The following SV2B variants were observed in gnomAD, a reference collection of about 807,000 sequenced individuals.
The protein encoded by SV2B is synaptic vesicle glycoprotein 2B.
A neutral mutation model predicts 73.9 loss-of-function variants in SV2B; 41 were observed. The observed-to-expected ratio is 0.56, with a 90% CI of 0.43 to 0.72. SV2B has a LOEUF of 0.72. SV2B is among the 30% of genes least tolerant of loss of function. SV2B has a pLI of 0.00. For synonymous variants in SV2B, 314 were observed against 314.2 expected (o/e 1.00, Z 0.01); for missense variants, 764 against 857.8 (o/e 0.89, Z 1.37).
At chr15:91,185,624 G>A (rs1465896138) in intron 1 of SV2B, among the ~76,000 whole-genome samples, 1 of 152,168 alleles carries the variant, frequency 6.6e-6, no homozygotes, top group African/African-American at 2.4e-5. Flanking sequence ...GTTTCCTGGA[G>A]AAAATAGTAC....
intron 1 of SV2B, among the ~76,000 whole-genome samples, chr15:91,173,105 T>A (rs1180703621): frequency 2.0e-5 from 3 of 152,086 alleles, no homozygotes; most frequent in Admixed American, 2.0e-4. Flanking sequence ...AGTGGGCCTC[T>A]GTGAGGAGGA....
chr15:91,121,039 A>C lies in SV2B; in HGVS notation c.-392+20676A>C, dbSNP rs2042320165. On this transcript the variant is annotated intron_variant, in intron 1 of 12. Coordinates refer to ENST00000394232, the MANE Select transcript of SV2B (RefSeq NM_001323032.3). This position sits in a 1 kb window ranked among gnomAD's most constrained non-coding sequence, Gnocchi z 4.4. ...GTCTATACAGTCATCCCCTCGCTTA[A>C]GATTTTTGCAAATTGTTTCCCATGG... Among the ~76,000 whole-genome samples, 1 of 152,176 alleles carries C rather than the reference A, an allele frequency of 6.6e-6. No individual in the cohort carries two copies. The highest frequency in any genetic ancestry group is 2.1e-4 in the South Asian group (1 of 4,824).
intron 6 of SV2B, 64 bp downstream of exon 6, chr15:91,260,473 A>G: frequency 7.6e-7 from 1 of 1,322,258 alleles, no homozygotes; most frequent in Non-Finnish European, 1.0e-6. Context: ...GATTTACTAA[A>G]AAGTAATTTA....
At chr15:91,150,903 AC>A (rs1255854956) in intron 1 of SV2B, among the ~76,000 whole-genome samples, 1 of 151,950 alleles carries the variant, frequency 6.6e-6, no homozygotes, top group Non-Finnish European at 1.5e-5. Context: ...TGAATTCTGC[AC>A]CCCCACCCCT....
intron 1 of SV2B, among the ~76,000 whole-genome samples, chr15:91,109,099 G>T (rs994145797): frequency 5.9e-5 from 9 of 152,184 alleles, no homozygotes; most frequent in Admixed American, 1.3e-4. Flanking sequence ...AGGCAGATAG[G>T]CTACATCCTT....
intron 1 of SV2B, among the ~76,000 whole-genome samples, chr15:91,203,818 G>A (rs909033719): frequency 3.3e-5 from 5 of 152,064 alleles, no homozygotes; most frequent in African/African-American, 1.2e-4. Context: ...GGAAGGGAGA[G>A]CTACTGTCTC....
At position 91,136,473 on chromosome 15, in the gene SV2B, T is replaced by A. The variant is rs2042829164; in HGVS notation, c.-392+36110T>A. Reference sequence around the variant, plus strand: ...AGTGGAGAACCAGTGGGAAGGCCCATGCGTCTCGGGTGCTTTGTCCCAGGG... The same window carrying A: ...AGTGGAGAACCAGTGGGAAGGCCCAAGCGTCTCGGGTGCTTTGTCCCAGGG... On this transcript the variant is annotated intron_variant, in intron 1 of 12. Coordinates refer to ENST00000394232, the MANE Select transcript of SV2B (RefSeq NM_001323032.3). The surrounding 1 kb of genome is among the most constrained non-coding windows in gnomAD (Gnocchi z 5.6). Among the ~76,000 whole-genome samples, 1 of 152,174 alleles carries A rather than the reference T, an allele frequency of 6.6e-6. No homozygotes were observed. Among genetic ancestry groups the A allele is most frequent in the African/African-American group, 2.4e-5 (1 of 41,456 alleles).
rs573209917 is a variant in SV2B at position 91,167,964 on chromosome 15, G to A, written c.-391-57909G>A. Among the ~76,000 whole-genome samples, 31 of 152,090 alleles carry A rather than the reference G, an allele frequency of 2.0e-4. No homozygotes were observed. The South Asian group carries it at 3.7e-3, about 18-fold the overall frequency. On this transcript the variant is annotated intron_variant, in intron 1 of 12. Coordinates refer to ENST00000394232, the MANE Select transcript of SV2B (RefSeq NM_001323032.3). The stretch of plus-strand genomic sequence containing the variant: ...GATCCAATGTAAATTTAATTTTCAC[G>A]GCCTTTGTGGTGCTGTTTGGTTTCA...
chr15:91,270,594 A>G (rs2048259210), intron 9 of SV2B, among the ~76,000 whole-genome samples: 1 of 152,252 alleles, frequency 6.6e-6, no homozygotes, highest in Non-Finnish European at 1.5e-5. Flanking sequence ...AAGTCAATAC[A>G]ACGCAGAGTC....
rs1221653036 is a variant in SV2B at position 91,283,163 on chromosome 15, A to C, written c.1508-858A>C. On this transcript the variant is annotated intron_variant, in intron 10 of 12. Coordinates refer to ENST00000394232, the MANE Select transcript of SV2B (RefSeq NM_001323032.3). The surrounding 1 kb of genome is among the most constrained non-coding windows in gnomAD (Gnocchi z 4.3). The stretch of plus-strand genomic sequence containing the variant: ...ACGCAGGTTTCTAGGGAGCCTGTTT[A>C]GTACTTTTTCTGTCAGAACAGCTGA... Among the ~76,000 whole-genome samples, 1 of 152,244 alleles carries C rather than the reference A, an allele frequency of 6.6e-6. No homozygotes were observed. Among genetic ancestry groups the C allele is most frequent in the African/African-American group, 2.4e-5 (1 of 41,470 alleles).
At chr15:91,233,109 T>C (rs549208709) in intron 2 of SV2B, among the ~76,000 whole-genome samples, 3 of 152,302 alleles carry the variant, frequency 2.0e-5, no homozygotes, top group South Asian at 2.1e-4. Context: ...CAATCCCCCG[T>C]TGATGGGCAC....
intron 1 of SV2B, among the ~76,000 whole-genome samples, chr15:91,207,210 AC>A (rs1230217830): frequency 1.5e-5 from 2 of 136,030 alleles, no homozygotes; most frequent in African/African-American, 5.8e-5. Context: ...TTTTTGAGAG[AC>A]GGGGTCTCAC....
In SV2B at chr15:91,173,925, T is replaced by C. The variant is rs573965413; in HGVS notation, c.-391-51948T>C. 2.6e-4 allele frequency among the ~76,000 whole-genome samples: 39 copies of C among 152,334 alleles called. 1 individual carries two copies. In the South Asian group the frequency reaches 7.9e-3, roughly 31 times the overall value. On this transcript the variant is annotated intron_variant, in intron 1 of 12. Coordinates refer to ENST00000394232, the MANE Select transcript of SV2B (RefSeq NM_001323032.3). The stretch of plus-strand genomic sequence containing the variant: ...CCTTTTTCTTCTCTATCTGAGGGTT[T>C]CCATTTCATCCTTGGGATTTTGGGT...
rs2049361054 is a variant in SV2B at position 91,299,331 on chromosome 15, A to G, written c.*6779A>G. Reference sequence around the variant, plus strand: ...CCAAAAGAACGGCAAAGCAAATCCCATAGACACCCAAAATACTAAAAGTGA... The same window carrying G: ...CCAAAAGAACGGCAAAGCAAATCCCGTAGACACCCAAAATACTAAAAGTGA... On this transcript the variant is annotated 3_prime_UTR_variant, in exon 13 of 13. Coordinates refer to ENST00000394232, the MANE Select transcript of SV2B (RefSeq NM_001323032.3). The G allele has an allele frequency of 6.6e-6, 1 of 152,230 alleles. No homozygotes were observed. The highest frequency in any genetic ancestry group is 2.4e-5 in the African/African-American group (1 of 41,450). 9.4% of individuals were successfully genotyped at this position (152,230 alleles called of 1,614,324 possible). A position where few individuals can be genotyped will look rare whatever the true frequency, so the allele number is the denominator to read the frequency against.
At chr15:91,191,849 A>T (rs932089000) in intron 1 of SV2B, among the ~76,000 whole-genome samples, 1 of 152,208 alleles carries the variant, frequency 6.6e-6, no homozygotes, top group African/African-American at 2.4e-5. Flanking sequence ...ATTAGTATTT[A>T]TTACTCTATC....
intron 9 of SV2B, among the ~76,000 whole-genome samples, chr15:91,273,854 A>G (rs1265984688): frequency 6.6e-6 from 1 of 152,216 alleles, no homozygotes; most frequent in Non-Finnish European, 1.5e-5. Context: ...GGTGCTTTAC[A>G]TTCACGCATT....
chr15:91,163,277 C>T (rs2043791522), intron 1 of SV2B, among the ~76,000 whole-genome samples: 1 of 152,108 alleles, frequency 6.6e-6, no homozygotes, highest in African/African-American at 2.4e-5. Flanking sequence ...GGGTGTGTAC[C>T]CAGTAGTGGG....
intron 2 of SV2B, among the ~76,000 whole-genome samples, chr15:91,235,891 G>A (rs973300675): frequency 1.4e-4 from 22 of 152,186 alleles, no homozygotes; most frequent in Non-Finnish European, 2.4e-4. Flanking sequence ...AGAGGGAGAT[G>A]CAGAGATAGA....
In SV2B at chr15:91,234,824, T is replaced by C. The variant is rs1192264602; in HGVS notation, c.451+8110T>C. Among the ~76,000 whole-genome samples the C allele has an allele frequency of 1.3e-5, 2 of 152,212 alleles. No individual in the cohort carries two copies. Among genetic ancestry groups the C allele is most frequent in the East Asian group, 1.9e-4 (1 of 5,202 alleles). On this transcript the variant is annotated intron_variant, in intron 2 of 12. Transcript: ENST00000394232. The surrounding 1 kb of genome is among the most constrained non-coding windows in gnomAD (Gnocchi z 5.6). ...CCCAAAGAGACCTGTGGGCTTTTAC[T>C]AGGTGACTGTGCATTGGGGAAAGGA...
Sources: allele counts gnomAD v4.1 joint callset (sites outside exome capture counted in the v4.1 genomes callset), GRCh38; gene constraint gnomAD v4.1.1; non-coding constraint Gnocchi (gnomAD v3.1); transcripts MANE v1.5; gene names NCBI Gene and HGNC (gene_info 2026-07-23, HGNC 2026-07-21).